Variants in NFASC observed in about 807,000 individuals in gnomAD.
The protein encoded by NFASC is neurofascin homolog.
Under a neutral mutation model 147.5 loss-of-function variants are expected in NFASC, and 43 were observed. The ratio of observed to expected loss-of-function variants is 0.29; its 90% confidence interval spans 0.23 to 0.38. The LOEUF (loss-of-function observed/expected upper bound fraction) is 0.38. Among genes scored for constraint, NFASC ranks in the 10% least tolerant of loss-of-function variants. The pLI, the probability that NFASC is intolerant of heterozygous loss-of-function variation, is 1.00. For missense variants in NFASC, 1,320 were observed against 1,689.0 expected (o/e 0.78, Z 3.83); for synonymous variants, 622 against 665.5 (o/e 0.93, Z 1.01).
At chr1:204,876,996 G>GTATATATATATATATA (rs60582969) in intron 1 of NFASC, among the ~76,000 whole-genome samples, 2 of 74,656 alleles carry the variant, frequency 2.7e-5, no homozygotes, top group African/African-American at 1.2e-4. Context: ...GGCTAAATAT[G>GTATATATATATATATA]TATATATATA....
chr1:204,970,122 G>T (rs1034442196), intron 10 of NFASC, among the ~76,000 whole-genome samples: 1 of 143,912 alleles, frequency 6.9e-6, no homozygotes, highest in African/African-American at 2.6e-5. Flanking sequence ...CCAAAATTCA[G>T]TGCCTAAAGA....
At chr1:204,875,992 G>A (rs111705959) in intron 1 of NFASC, among the ~76,000 whole-genome samples, 16 of 152,246 alleles carry the variant, frequency 1.1e-4, no homozygotes, top group African/African-American at 2.4e-4. Context: ...GAATTGCCTG[G>A]TAATACACAG....
At position 204,911,884 on chromosome 1, in the gene NFASC, A is replaced by T. The variant is rs536950755; in HGVS notation, c.-199-8748A>T. 3.9e-5 allele frequency among the ~76,000 whole-genome samples: 6 copies of T among 152,218 alleles called. No individual in the cohort carries two copies. In the South Asian group the frequency reaches 1.2e-3, roughly 32 times the overall value. ...GTTTTTTGAGAACTTGGTTCATTTC[A>T]CCTAAGCTTTAAAAGTTATGTGTGT... On this transcript the variant is annotated intron_variant, in intron 1 of 29. Coordinates refer to ENST00000339876, the MANE Select transcript of NFASC (RefSeq NM_001005388.3).
At chr1:204,906,374 C>T (rs1002377111) in intron 1 of NFASC, among the ~76,000 whole-genome samples, 6 of 152,124 alleles carry the variant, frequency 3.9e-5, no homozygotes, top group Non-Finnish European at 7.4e-5. Context: ...AATTCTCTCC[C>T]CTTAATCCCA....
intron 1 of NFASC, among the ~76,000 whole-genome samples, chr1:204,910,307 T>G (rs982263293): frequency 1.3e-5 from 2 of 152,216 alleles, no homozygotes; most frequent in Non-Finnish European, 2.9e-5. Flanking sequence ...TTGTTCATTC[T>G]ATGCCTATTT....
intron 29 of NFASC, among the ~76,000 whole-genome samples, chr1:205,014,087 C>A (rs765039843): frequency 6.6e-6 from 1 of 152,248 alleles, no homozygotes; most frequent in Non-Finnish European, 1.5e-5. Flanking sequence ...TTCTCCTCCC[C>A]CAGACTCTTG....
intron 2 of NFASC, among the ~76,000 whole-genome samples, chr1:204,934,726 G>A (rs2092686315): frequency 6.6e-6 from 1 of 152,212 alleles, no homozygotes; most frequent in East Asian, 1.9e-4. Flanking sequence ...ATTGCCGCCT[G>A]CTGGAATAGA....
At chr1:204,848,120 C>T (rs936500355) in intron 1 of NFASC, among the ~76,000 whole-genome samples, 1 of 152,220 alleles carries the variant, frequency 6.6e-6, no homozygotes, top group South Asian at 2.1e-4. Flanking sequence ...CTGGAGAACT[C>T]GTCCTTTCCC....
Position 204,877,027 on chromosome 1 carries a change from T to TAA in NFASC, c.-199-43604_-199-43603dup, listed in dbSNP as rs1379239232. Among the ~76,000 whole-genome samples, 23 of 85,116 alleles carry TAA rather than the reference T, an allele frequency of 2.7e-4. 2 individuals are homozygous for TAA. Among genetic ancestry groups the TAA allele is most frequent in the African/African-American group, 7.5e-4 (11 of 14,754 alleles). 55.8% of individuals were successfully genotyped at this position (85,116 alleles called of 152,430 possible). On this transcript the variant is annotated intron_variant, in intron 1 of 29. Transcript: ENST00000339876. ...ATATATATATATATATATATATATATAATATATATTTATATATATATAATA... is the reference window on the plus strand; with the variant it reads ...ATATATATATATATATATATATATATAAAATATATATTTATATATATATAATA...
chr1:205,004,530 C>T (rs2096066224), intron 27 of NFASC, among the ~76,000 whole-genome samples: 1 of 152,210 alleles, frequency 6.6e-6, no homozygotes, highest in Non-Finnish European at 1.5e-5. Context: ...TACATATTGT[C>T]CACTTCTCTC....
intron 1 of NFASC, 27 bp downstream of exon 1, chr1:204,828,809 T>TG (rs1422402621): frequency 1.0e-6 from 1 of 985,148 alleles, no homozygotes; most frequent in African/African-American, 1.8e-5. Context: ...ACCGGAGAGA[T>TG]GGGGGTAGAG....
At chr1:204,995,707 G>A (rs1419890385) in intron 24 of NFASC, among the ~76,000 whole-genome samples, 1 of 152,112 alleles carries the variant, frequency 6.6e-6, no homozygotes, top group African/African-American at 2.4e-5. Flanking sequence ...TCCAAAGAGG[G>A]ACTTGTAATT....
intron 3 of NFASC, chr1:204,947,047 G>A: frequency 2.9e-6 from 1 of 342,724 alleles, no homozygotes; most frequent in South Asian, 2.3e-5. Flanking sequence ...TGGAGGAAAA[G>A]AGGAGGGAAA....
At chr1:204,957,122 G>T (rs2094466454) in intron 7 of NFASC, among the ~76,000 whole-genome samples, 1 of 152,182 alleles carries the variant, frequency 6.6e-6, no homozygotes, top group South Asian at 2.1e-4. Flanking sequence ...CATTATAATT[G>T]ATGATTACAT....
At chr1:204,894,588 T>G (rs2083040643) in intron 1 of NFASC, among the ~76,000 whole-genome samples, 1 of 152,218 alleles carries the variant, frequency 6.6e-6, no homozygotes, top group Non-Finnish European at 1.5e-5. Context: ...TTGGAATTCT[T>G]TCTAGTTGGG....
chr1:204,953,882 C>T (rs922904405), intron 5 of NFASC, among the ~76,000 whole-genome samples: 1 of 152,166 alleles, frequency 6.6e-6, no homozygotes, highest in African/African-American at 2.4e-5. Flanking sequence ...TTAACATAAC[C>T]CCCGAGTAGC....
chr1:204,906,902 C>G (rs2086106169), intron 1 of NFASC, among the ~76,000 whole-genome samples: 1 of 152,110 alleles, frequency 6.6e-6, no homozygotes, highest in Non-Finnish European at 1.5e-5. Flanking sequence ...CCAGGATGGT[C>G]TGCATCTCCT....
chr1:204,851,941 G>C (rs2075732429), intron 1 of NFASC, among the ~76,000 whole-genome samples: 1 of 152,166 alleles, frequency 6.6e-6, no homozygotes, highest in Non-Finnish European at 1.5e-5. Context: ...TTCTAAGATG[G>C]TACAGGGTCT....
At chr1:204,840,854 GC>G (rs1219814876) in intron 1 of NFASC, among the ~76,000 whole-genome samples, 1 of 152,212 alleles carries the variant, frequency 6.6e-6, no homozygotes, top group African/African-American at 2.4e-5. Flanking sequence ...GAAGACTGGG[GC>G]TAAAGTGACT....
Sources: allele counts gnomAD v4.1 joint callset (sites outside exome capture counted in the v4.1 genomes callset), GRCh38; gene constraint gnomAD v4.1.1; transcripts MANE v1.5; gene names NCBI Gene and HGNC (gene_info 2026-07-23, HGNC 2026-07-21).